PKHD1L1: variants seen among roughly 807,000 people sequenced by gnomAD.
PKHD1L1 encodes the protein fibrocystin-L.
In PKHD1L1, 434 loss-of-function variants were observed where a neutral mutation model predicts 462.9. That is an observed-to-expected ratio of 0.94 (90% CI 0.87 to 1.02). The LOEUF (loss-of-function observed/expected upper bound fraction) is 1.02, where lower values mean the gene tolerates loss of function less well. Among genes scored for constraint, PKHD1L1 ranks in the 50% least tolerant of loss-of-function variants. PKHD1L1 has a pLI of 0.00. For missense variants in PKHD1L1, 5,202 were observed against 5,096.1 expected, an observed-to-expected ratio of 1.02 and a Z score of -0.63; for synonymous variants, 1,781 against 1,750.0, an observed-to-expected ratio of 1.02 and a Z score of -0.44.
intron 41 of PKHD1L1, 81 bp from the exon 42 acceptor site, chr8:109,452,043 A>G (rs1214214762): frequency 1.5e-6 from 2 of 1,295,524 alleles, no homozygotes; most frequent in Non-Finnish European, 2.1e-6. Context: ...TTGCAATAAT[A>G]CATAGGAATA....
At chr8:109,403,370 C>T (rs751635910) in intron 14 of PKHD1L1, among the ~76,000 whole-genome samples, 1 of 152,046 alleles carries the variant, frequency 6.6e-6, no homozygotes, top group South Asian at 2.1e-4. Context: ...CCCTCAGTTA[C>T]TAGTTTAAAA....
rs765433193 is a variant in PKHD1L1 at position 109,507,614 on chromosome 8, T to C, written c.10995-49T>C. The C allele has an allele frequency of 4.1e-6, 6 of 1,476,372 alleles. No individual in the cohort carries two copies. The South Asian group carries it at 7.0e-5, about 17-fold the overall frequency. 91.5% of individuals were successfully genotyped at this position (1,476,372 alleles called of 1,614,324 possible). On this transcript the variant is annotated intron_variant, in intron 68 of 77. Transcript: ENST00000378402. ...CTAAGTAAATATTCAAGTGTATTCA[T>C]ATTGCTCTCTAGAAACAATGAACTG...
chr8:109,382,824 A>G lies in PKHD1L1; in HGVS notation c.417+253A>G, dbSNP rs117698559. 2.2e-3 allele frequency among the ~76,000 whole-genome samples: 328 copies of G among 151,316 alleles called. 1 individual carries two copies. The highest frequency in any genetic ancestry group is 6.8e-3 in the Middle Eastern group (2 of 294). ...GTACTTCAAACATGTTTTCTTGTTCATATTTTCCCCTTTATCTCTACTTCT... is the reference window on the plus strand; with the variant it reads ...GTACTTCAAACATGTTTTCTTGTTCGTATTTTCCCCTTTATCTCTACTTCT... On this transcript the variant is annotated intron_variant, in intron 4 of 77. Coordinates refer to ENST00000378402, the MANE Select transcript of PKHD1L1 (RefSeq NM_177531.6).
rs1821148615 is a variant in PKHD1L1 at position 109,536,456 on chromosome 8, T to C, written c.*6366T>C. ...TAGATTTACAAACTACTGTTTTATG[T>C]TGGTTGTATGAATTTCAATACATTT... is the stretch of plus-strand genomic sequence containing the variant. On this transcript the variant is annotated 3_prime_UTR_variant, in exon 78 of 78. Coordinates refer to ENST00000378402, the MANE Select transcript of PKHD1L1 (RefSeq NM_177531.6). Among the ~76,000 whole-genome samples the C allele has an allele frequency of 6.6e-6, 1 of 152,242 alleles. No individual in the cohort carries two copies. Among genetic ancestry groups the C allele is most frequent in the African/African-American group, 2.4e-5 (1 of 41,454 alleles).
At position 109,390,472 on chromosome 8, in the gene PKHD1L1, A is replaced by G. The variant is rs373692551; in HGVS notation, c.718A>G (p.Ile240Val). The change falls in exon 9 of 78, where the codon ATC becomes GTC. Residue 240 changes from isoleucine to valine, a missense_variant. This residue lies in a region of PKHD1L1 where 4,497 missense variants were observed against 4,336.8 expected (regional missense o/e 1.04). Transcript: ENST00000378402. ...TFIGHHNVSF[I>V]LDNDYGRSFP... ...TCCAGGTCATCACAATGTCAGCTTC[A>G]TCTTAGATAATGATTATGGAAGGTA... 1.5e-5 allele frequency: 21 copies of G among 1,447,966 alleles called. No homozygotes were observed. The highest frequency in any genetic ancestry group is 2.2e-5 in the Admixed American group (1 of 44,708). 89.7% of individuals were successfully genotyped at this position (1,447,966 alleles called of 1,614,324 possible). A position where few individuals can be genotyped will look rare whatever the true frequency, so the allele number is the denominator to read the frequency against.
At chr8:109,381,657 G>T (rs962829737) in intron 3 of PKHD1L1, 143 bp downstream of exon 3, 5 of 631,684 alleles carry the variant, frequency 7.9e-6, no homozygotes, top group Non-Finnish European at 9.9e-6. Context: ...TTCATTTTGT[G>T]ATGTTTAGAC....
chr8:109,412,236 T>A, intron 19 of PKHD1L1, 29 bp from the exon 20 acceptor site: 1 of 1,609,852 alleles, frequency 6.2e-7, no homozygotes, highest in Non-Finnish European at 8.5e-7. Flanking sequence ...TAAATCATGT[T>A]TTCATTTGAA....
chr8:109,431,165 A>C (rs1815078925), intron 27 of PKHD1L1, among the ~76,000 whole-genome samples: 1 of 152,002 alleles, frequency 6.6e-6, no homozygotes, highest in South Asian at 2.1e-4. Flanking sequence ...ACAGAGTTTT[A>C]CCATGTTGGC....
rs373261123 is a variant in PKHD1L1 at position 109,448,293 on chromosome 8, C to T, written c.5927C>T (p.Thr1976Ile). The change falls in exon 39 of 78, where the codon ACA (threonine) becomes ATA (isoleucine). Residue 1976 changes from threonine to isoleucine, a missense_variant. Physicochemically the swap from Thr to Ile is moderately conservative, Grantham distance 89. Transcript: ENST00000378402. ...QCIVGDHAGGTFPVMMHHKTK... is the reference protein window; with the variant it reads ...QCIVGDHAGGIFPVMMHHKTK... ...ATCGTGGGAGATCATGCTGGGGGCA[C>T]ATTTCCTGTTATGATGCATCATAAG... The T allele has an allele frequency of 9.9e-6, 16 of 1,613,474 alleles. 1 individual carries two copies. The highest frequency in any genetic ancestry group is 1.4e-5 in the Non-Finnish European group (16 of 1,179,768).
At chr8:109,498,117 C>T (rs1586626403) in intron 65 of PKHD1L1, among the ~76,000 whole-genome samples, 1 of 30,662 alleles carries the variant, frequency 3.3e-5, no homozygotes, top group Non-Finnish European at 5.0e-5. Flanking sequence ...TTTTTTGAGA[C>T]GGAGTCTCGC....
At chr8:109,425,872 G>C (rs1197492045) in intron 24 of PKHD1L1, among the ~76,000 whole-genome samples, 73 of 151,658 alleles carry the variant, frequency 4.8e-4, no homozygotes, top group Non-Finnish European at 1.5e-4. Flanking sequence ...TGAATATAAG[G>C]GATTATATGC....
At position 109,445,119 on chromosome 8, in the gene PKHD1L1, C is replaced by A; in HGVS notation, c.5250C>A (p.Tyr1750Ter). The A allele has an allele frequency of 6.2e-7, 1 of 1,613,950 alleles. No individual in the cohort carries two copies. The highest frequency in any genetic ancestry group is 8.5e-7 in the Non-Finnish European group (1 of 1,179,886). The change falls in exon 38 of 78, where the codon TAC becomes TAA. Residue 1750 changes from tyrosine to a stop codon, truncating the protein, a stop_gained. Coordinates refer to ENST00000378402, the MANE Select transcript of PKHD1L1 (RefSeq NM_177531.6). LOFTEE classifies it high-confidence loss of function. ...TFSYLESITP[Y>*]ITGVFPNSVI... ...CATACTTAGAAAGCATCACTCCTTACATAACAGGAGTCTTCCCAAACTCTG... is the reference window on the plus strand; with the variant it reads ...CATACTTAGAAAGCATCACTCCTTAAATAACAGGAGTCTTCCCAAACTCTG...
At chr8:109,451,434 C>T (rs1179145019) in intron 41 of PKHD1L1, among the ~76,000 whole-genome samples, 4 of 152,060 alleles carry the variant, frequency 2.6e-5, no homozygotes, top group Non-Finnish European at 5.9e-5. Flanking sequence ...GACATCTTGC[C>T]CCCAATCCTA....
chr8:109,502,730 A>G (rs1307473974), intron 67 of PKHD1L1, among the ~76,000 whole-genome samples: 4 of 152,226 alleles, frequency 2.6e-5, no homozygotes, highest in African/African-American at 9.6e-5. Context: ...TGGCTTATTG[A>G]AGGTATGCTC....
intron 43 of PKHD1L1, 67 bp from the exon 44 acceptor site, chr8:109,454,100 T>A: frequency 1.1e-6 from 1 of 877,622 alleles, no homozygotes; most frequent in Non-Finnish European, 1.8e-6. Context: ...TTGTAATGAA[T>A]AATTTAATAG....
intron 2 of PKHD1L1, among the ~76,000 whole-genome samples, chr8:109,365,448 G>T (rs1407720893): frequency 1.3e-5 from 2 of 152,040 alleles, no homozygotes; most frequent in Non-Finnish European, 2.9e-5. Context: ...ATCTCTCAAT[G>T]ATATGCTTAA....
intron 38 of PKHD1L1, among the ~76,000 whole-genome samples, chr8:109,446,642 A>T (rs1219233109): frequency 6.6e-6 from 1 of 152,238 alleles, no homozygotes; most frequent in Non-Finnish European, 1.5e-5. Context: ...GTGAACAATA[A>T]CAATGGCACA....
At position 109,402,531 on chromosome 8, in the gene PKHD1L1, C is replaced by G. The variant is rs563041349; in HGVS notation, c.1373+943C>G. Among the ~76,000 whole-genome samples, 7 of 152,178 alleles carry G rather than the reference C, an allele frequency of 4.6e-5. No homozygotes were observed. In the East Asian group the frequency reaches 1.4e-3, roughly 29 times the overall value. On this transcript the variant is annotated intron_variant, in intron 14 of 77. Coordinates refer to ENST00000378402, the MANE Select transcript of PKHD1L1 (RefSeq NM_177531.6). ...TTGTGGATAGCTAATGCATACTGGG[C>G]TTAATACCTAGGTGATGATGGGTTG...
At chr8:109,370,957 C>T (rs541034849) in intron 2 of PKHD1L1, among the ~76,000 whole-genome samples, 39 of 152,172 alleles carry the variant, frequency 2.6e-4, no homozygotes, top group African/African-American at 5.8e-4. Context: ...TGAATAGTGC[C>T]GCAATAAACA....
Sources: allele counts gnomAD v4.1 joint callset (sites outside exome capture counted in the v4.1 genomes callset), GRCh38; gene constraint gnomAD v4.1.1; regional missense constraint gnomAD v4.1.1; transcripts MANE v1.5; gene names NCBI Gene and HGNC (gene_info 2026-07-23, HGNC 2026-07-21).